Variants in NRXN3 observed in about 807,000 individuals in gnomAD.
The protein encoded by NRXN3 is neurexin 3.
Under a neutral mutation model 137.6 loss-of-function variants are expected in NRXN3, and 32 were observed. The observed-to-expected ratio is 0.23, with a 90% confidence interval of 0.18 to 0.31. The LOEUF (loss-of-function observed/expected upper bound fraction) is 0.31, where lower values mean the gene tolerates loss of function less well. Among genes scored for constraint, NRXN3 ranks in the 10% least tolerant of loss-of-function variants. NRXN3 has a pLI of 1.00. For synonymous variants in NRXN3, 798 were observed against 784.5 expected (o/e 1.02, Z -0.29); for missense variants, 1,574 against 2,062.5 (o/e 0.76, Z 4.59).
intron 1 of NRXN3, among the ~76,000 whole-genome samples, chr14:78,208,851 C>A (rs1291355662): frequency 1.3e-5 from 2 of 152,224 alleles, no homozygotes; most frequent in African/African-American, 4.8e-5. Context: ...TCCACTAATA[C>A]AGCCATTATG....
chr14:78,477,110 T>C (rs962042174), intron 4 of NRXN3, among the ~76,000 whole-genome samples: 1 of 152,242 alleles, frequency 6.6e-6, no homozygotes, highest in African/African-American at 2.4e-5. Context: ...ACCCAAATTC[T>C]CTTCTATGTC....
intron 10 of NRXN3, among the ~76,000 whole-genome samples, chr14:78,863,705 T>TA (rs1386784355): frequency 2.0e-5 from 3 of 152,098 alleles, no homozygotes; most frequent in African/African-American, 4.8e-5. Flanking sequence ...AGTCCACAAA[T>TA]ACATAAATAT....
chr14:78,315,653 A>C (rs755522977), intron 4 of NRXN3, among the ~76,000 whole-genome samples: 7 of 152,238 alleles, frequency 4.6e-5, no homozygotes, highest in Non-Finnish European at 1.0e-4. Context: ...TTGCATCCAT[A>C]ACCCAAAAGT....
Position 79,845,579 on chromosome 14 carries a change from C to T in NRXN3, c.4094-15763C>T, listed in dbSNP as rs1028807303. ...TAGACAGAGAGAGAGAGAGACCGAC[C>T]CAGAGAGACAGAGAGAGAGAGAGAC... On this transcript the variant is annotated intron_variant, in intron 20 of 20. Coordinates refer to ENST00000335750, the MANE Select transcript of NRXN3 (RefSeq NM_001330195.2). Among the ~76,000 whole-genome samples the T allele has an allele frequency of 5.3e-4, 43 of 81,488 alleles. 3 individuals carry two copies. The highest frequency in any genetic ancestry group is 5.5e-4 in the South Asian group (1 of 1,828). 53.5% of individuals were successfully genotyped at this position (81,488 alleles called of 152,430 possible). A position where few individuals can be genotyped will look rare whatever the true frequency, so the allele number is the denominator to read the frequency against.
intron 6 of NRXN3, among the ~76,000 whole-genome samples, chr14:78,704,531 G>A (rs1594937776): frequency 6.6e-6 from 1 of 152,184 alleles, no homozygotes; most frequent in East Asian, 1.9e-4. Flanking sequence ...GATTGTGCAG[G>A]AGGGGAAGGG....
intron 20 of NRXN3, among the ~76,000 whole-genome samples, chr14:79,852,234 A>AACACACACAC (rs45581833): frequency 0.094 from 11,991 of 128,116 alleles, 735 homozygotes; most frequent in Non-Finnish European, 0.11. Flanking sequence ...TTCAACTCCC[A>AACACACACAC]ACACACACAC....
chr14:79,265,272 T>C (rs1191488098), intron 15 of NRXN3, among the ~76,000 whole-genome samples: 7 of 150,690 alleles, frequency 4.6e-5, no homozygotes, highest in Non-Finnish European at 7.4e-5. Flanking sequence ...TCCTGATTTT[T>C]CTTTAACTAT....
chr14:79,626,346 G>A lies in NRXN3; in HGVS notation c.3445-37432G>A, dbSNP rs368009572. ...CCAGATGCCTAGAGGTATCTCCTGG[G>A]ACCATGATGGGTCTCAGTCATACCC... On this transcript the variant is annotated intron_variant, in intron 16 of 20. Transcript: ENST00000335750. Among the ~76,000 whole-genome samples the A allele has an allele frequency of 3.9e-4, 60 of 151,920 alleles. No homozygotes were observed. The East Asian group carries it at 7.8e-3, about 20-fold the overall frequency.
At chr14:78,277,463 G>T (rs1043462247) in intron 2 of NRXN3, among the ~76,000 whole-genome samples, 2 of 152,110 alleles carry the variant, frequency 1.3e-5, no homozygotes, top group African/African-American at 4.8e-5. Context: ...AAGAGATCTA[G>T]GATATTTTCT....
At chr14:79,768,240 G>A in intron 19 of NRXN3, among the ~76,000 whole-genome samples, 1 of 152,248 alleles carries the variant, frequency 6.6e-6, no homozygotes, top group Non-Finnish European at 1.5e-5. Context: ...AAACAAAGCA[G>A]CCAGGAAGCT....
At position 78,829,383 on chromosome 14, in the gene NRXN3, C is replaced by A. The variant is rs183935312; in HGVS notation, c.2275+19039C>A. The stretch of plus-strand genomic sequence containing the variant: ...GGACAGTTAAATCACACTGTTTGAA[C>A]CATATTTGAAGAAATGATGACACCA... On this transcript the variant is annotated intron_variant, in intron 10 of 20. Coordinates refer to ENST00000335750, the MANE Select transcript of NRXN3 (RefSeq NM_001330195.2). 2.0e-5 allele frequency among the ~76,000 whole-genome samples: 3 copies of A among 152,238 alleles called. No individual in the cohort carries two copies. In the East Asian group the frequency reaches 5.8e-4, roughly 29 times the overall value.
At chr14:78,950,151 A>C (rs533856391) in intron 10 of NRXN3, among the ~76,000 whole-genome samples, 1 of 152,322 alleles carries the variant, frequency 6.6e-6, no homozygotes, top group Admixed American at 6.5e-5. Flanking sequence ...TTTTTTAAAA[A>C]CAAGAGTAGA....
intron 8 of NRXN3, among the ~76,000 whole-genome samples, chr14:78,782,074 C>T (rs939452454): frequency 1.3e-5 from 2 of 152,216 alleles, no homozygotes; most frequent in African/African-American, 2.4e-5. Context: ...CTTGCCCGCT[C>T]TTCTGGGCTT....
chr14:78,467,465 T>C (rs1449696218), intron 4 of NRXN3, among the ~76,000 whole-genome samples: 2 of 152,238 alleles, frequency 1.3e-5, no homozygotes, highest in Admixed American at 1.3e-4. Flanking sequence ...TAAATCTTTG[T>C]GGACGATGTG....
chr14:78,564,321 C>G lies in NRXN3; in HGVS notation c.758-80799C>G, dbSNP rs1029152056. ...TGAAGGTTATAGTGTTTGGCTCTGT[C>G]AAGAGCAACCTCACACATCTTCTTC... On this transcript the variant is annotated intron_variant, in intron 4 of 20. Transcript: ENST00000335750. 9.2e-5 allele frequency among the ~76,000 whole-genome samples: 14 copies of G among 152,186 alleles called. 1 individual carries two copies. Among genetic ancestry groups the G allele is most frequent in the Admixed American group, 9.2e-4 (14 of 15,286 alleles).
intron 15 of NRXN3, among the ~76,000 whole-genome samples, chr14:79,045,193 AC>A (rs1232523955): frequency 6.6e-6 from 1 of 152,108 alleles, no homozygotes; most frequent in African/African-American, 2.4e-5. Flanking sequence ...TTGAGGGGGC[AC>A]CGGCTCAGTG....
At chr14:78,867,850 C>T (rs947431660) in intron 10 of NRXN3, among the ~76,000 whole-genome samples, 7 of 151,672 alleles carry the variant, frequency 4.6e-5, no homozygotes, top group Non-Finnish European at 7.4e-5. Context: ...CCTGTGTCTT[C>T]GGGCCTTCAT....
chr14:79,487,809 G>A (rs2096671583), intron 16 of NRXN3, among the ~76,000 whole-genome samples: 1 of 152,178 alleles, frequency 6.6e-6, no homozygotes, highest in South Asian at 2.1e-4. Flanking sequence ...GTTATTAAAT[G>A]ATAAGGAGCT....
At chr14:79,385,072 T>A (rs183313148) in intron 15 of NRXN3, among the ~76,000 whole-genome samples, 24 of 152,214 alleles carry the variant, frequency 1.6e-4, no homozygotes, top group East Asian at 1.4e-3. Context: ...TCTTTTTTTT[T>A]ATTATACTTT....
Sources: gnomAD v4.1 joint callset for allele counts (sites outside exome capture counted in the v4.1 genomes callset) on GRCh38, gnomAD v4.1.1 for gene constraint, MANE v1.5 for transcripts, NCBI Gene and HGNC (gene_info 2026-07-23, HGNC 2026-07-21) for gene names.